Variants in PTBP3 observed in about 807,000 individuals in gnomAD.
PTBP3 encodes polypyrimidine tract binding protein 3.
A neutral mutation model predicts 58.7 loss-of-function variants in PTBP3; 20 were observed. The observed-to-expected ratio is 0.34, with a 90% CI of 0.24 to 0.50. PTBP3 has a LOEUF of 0.50. Among genes scored for constraint, PTBP3 ranks in the 20% least tolerant of loss-of-function variants. The pLI is 0.98. For missense variants in PTBP3, 509 were observed against 637.2 expected, an observed-to-expected ratio of 0.80 and a Z score of 2.17; for synonymous variants, 185 against 219.8, an observed-to-expected ratio of 0.84 and a Z score of 1.40.
At chr9:112,371,980 G>C in the PTBP3 span, among the ~76,000 whole-genome samples, 1,599 of 152,150 alleles carry the variant, frequency 0.011, 67 homozygotes, top group East Asian at 0.082. Context: ...CATTGCTTAG[G>C]TATTGTTCTC....
At chr9:112,232,289 A>G in intron 8 of PTBP3, 51 bp from the exon 9 acceptor site, 1 of 1,451,020 alleles carries the variant, frequency 6.9e-7, no homozygotes, top group Non-Finnish European at 9.4e-7. Context: ...GAAGAACTGT[A>G]ACACTTGATA....
intron 1 of PTBP3, among the ~76,000 whole-genome samples, chr9:112,320,764 A>G (rs959272157): frequency 6.6e-6 from 1 of 152,204 alleles, no homozygotes; most frequent in Admixed American, 6.5e-5. Flanking sequence ...TGATTTTCAA[A>G]TAACAGTGCC....
At chr9:112,331,853 G>C (rs1395594294) in intron 1 of PTBP3, among the ~76,000 whole-genome samples, 2 of 152,176 alleles carry the variant, frequency 1.3e-5, no homozygotes, top group African/African-American at 2.4e-5. Flanking sequence ...CAGTTTAACA[G>C]CAAAGACGCA....
the PTBP3 span, among the ~76,000 whole-genome samples, chr9:112,340,739 C>T: frequency 2.6e-5 from 4 of 151,970 alleles, no homozygotes; most frequent in East Asian, 1.9e-4. Flanking sequence ...ATTAGCCGGG[C>T]GTAGTGGTGC....
the PTBP3 span, among the ~76,000 whole-genome samples, chr9:112,340,111 T>A: frequency 1.3e-5 from 2 of 152,266 alleles, no homozygotes; most frequent in South Asian, 2.1e-4. Context: ...ACTGTAGGCA[T>A]GTTCCACCAC....
chr9:112,324,130 TA>T (rs1180067617), intron 1 of PTBP3, among the ~76,000 whole-genome samples: 2 of 151,090 alleles, frequency 1.3e-5, no homozygotes, highest in Non-Finnish European at 2.9e-5. Flanking sequence ...AGAGTTTTTT[TA>T]AAAAAAGGAA....
In PTBP3 at chr9:112,221,111, C is replaced by T. The variant is rs553042858; in HGVS notation, c.*2740G>A. The T allele has an allele frequency of 7.2e-5, 71 of 985,610 alleles. No homozygotes were observed. In the South Asian group the frequency reaches 3.1e-3, roughly 42 times the overall value. The allele number at this position is 985,610 out of a possible 1,614,324, so 61.1% of individuals were successfully genotyped here. A position where few individuals can be genotyped will look rare whatever the true frequency, so the allele number is the denominator to read the frequency against. ...TCCATGTGCTACAGCTAATTTTAGACACAAACTGATGGTTTCAAACATGCT... is the reference window on the plus strand; with the variant it reads ...TCCATGTGCTACAGCTAATTTTAGATACAAACTGATGGTTTCAAACATGCT... On this transcript the variant is annotated 3_prime_UTR_variant, in exon 14 of 14. Coordinates refer to ENST00000374257, the MANE Select transcript of PTBP3 (RefSeq NM_001163788.4).
At chr9:112,230,984 C>G (rs1835177196) in intron 10 of PTBP3, among the ~76,000 whole-genome samples, 2 of 140,818 alleles carry the variant, frequency 1.4e-5, no homozygotes. Context: ...CCACCTTCAC[C>G]AGGTCTCCAT....
chr9:112,251,720 T>C (rs1382374460), intron 6 of PTBP3, among the ~76,000 whole-genome samples: 5 of 152,142 alleles, frequency 3.3e-5, no homozygotes, highest in Non-Finnish European at 2.9e-5. Context: ...CTAAGGGTAT[T>C]TGTGGCCACT....
intron 8 of PTBP3, among the ~76,000 whole-genome samples, chr9:112,232,960 C>T (rs114012222): frequency 2.8e-3 from 425 of 152,116 alleles, no homozygotes; most frequent in African/African-American, 9.9e-3. Context: ...GAACCAATTC[C>T]TTAATTTAAT....
At chr9:112,278,712 G>A (rs1259954119) in intron 2 of PTBP3, among the ~76,000 whole-genome samples, 2 of 152,162 alleles carry the variant, frequency 1.3e-5, no homozygotes, top group African/African-American at 2.4e-5. Context: ...TGTTAAGAGC[G>A]CAGAGCTATG....
At chr9:112,320,841 TCA>T (rs1250818045) in intron 1 of PTBP3, among the ~76,000 whole-genome samples, 1 of 152,192 alleles carries the variant, frequency 6.6e-6, no homozygotes, top group African/African-American at 2.4e-5. Context: ...GACTGTTTAC[TCA>T]CGCCATACAC....
At chr9:112,290,165 A>G (rs889091519) in intron 2 of PTBP3, among the ~76,000 whole-genome samples, 2 of 152,348 alleles carry the variant, frequency 1.3e-5, no homozygotes, top group East Asian at 3.9e-4. Context: ...CACGTATAAC[A>G]AAGTATTCAT....
intron 2 of PTBP3, among the ~76,000 whole-genome samples, chr9:112,291,512 GACAA>G (rs1429582278): frequency 1.3e-5 from 2 of 152,130 alleles, no homozygotes; most frequent in South Asian, 2.1e-4. Context: ...CTGACATAAA[GACAA>G]ACATATAGAC....
intron 5 of PTBP3, among the ~76,000 whole-genome samples, chr9:112,254,174 T>G (rs897567939): frequency 6.6e-6 from 1 of 152,066 alleles, no homozygotes; most frequent in African/African-American, 2.4e-5. Flanking sequence ...TTTATAGAGA[T>G]GAGGTCTCAC....
chr9:112,312,086 A>G (rs1366821166), intron 1 of PTBP3, among the ~76,000 whole-genome samples: 1 of 152,226 alleles, frequency 6.6e-6, no homozygotes, highest in Non-Finnish European at 1.5e-5. Flanking sequence ...GTTTATAGGT[A>G]ATACACTCAA....
intron 4 of PTBP3, among the ~76,000 whole-genome samples, chr9:112,266,851 G>A (rs1047125714): frequency 1.3e-5 from 2 of 152,034 alleles, no homozygotes; most frequent in Non-Finnish European, 2.9e-5. Context: ...TGATTGAATG[G>A]TGTACCAAAA....
Position 112,267,798 on chromosome 9 carries a change from A to G in PTBP3, c.351+251T>C, listed in dbSNP as rs138631901. ...TTTCAGATCTGAGATTTTAAGATGT[A>G]CATAACAATAAATATTTTTTCTCCT... On this transcript the variant is annotated intron_variant, in intron 4 of 13. Coordinates refer to ENST00000374257, the MANE Select transcript of PTBP3 (RefSeq NM_001163788.4). Among the ~76,000 whole-genome samples the G allele has an allele frequency of 2.9e-3, 438 of 152,322 alleles. 1 individual carries two copies. The highest frequency in any genetic ancestry group is 0.01 in the African/African-American group (425 of 41,582).
chr9:112,227,326 C>A (rs1835027954), intron 12 of PTBP3, 85 bp downstream of exon 12: 2 of 1,438,306 alleles, frequency 1.4e-6, no homozygotes, highest in Admixed American at 1.7e-5. Context: ...TAGGTTAGAA[C>A]AATTTCAGAA....
Sources: gnomAD v4.1 joint callset for allele counts (sites outside exome capture counted in the v4.1 genomes callset) on GRCh38, gnomAD v4.1.1 for gene constraint, MANE v1.5 for transcripts, NCBI Gene and HGNC (gene_info 2026-07-23, HGNC 2026-07-21) for gene names.